ANXA3: variants seen among roughly 807,000 people sequenced by gnomAD.
ANXA3 encodes 35-alpha calcimedin.
A neutral mutation model predicts 48.8 loss-of-function variants in ANXA3; 46 were observed. That is an observed-to-expected ratio of 0.94 (90% confidence interval 0.74 to 1.21). The LOEUF is 1.21. Among genes scored for constraint, ANXA3 ranks in the 50% most tolerant of loss-of-function variants. The probability of loss-of-function intolerance (pLI) is 0.00; values close to 1 mark genes in which losing one functional copy is unlikely to be tolerated. For missense variants in ANXA3, 383 were observed against 378.6 expected (o/e 1.01, Z -0.10); for synonymous variants, 128 against 134.7 (o/e 0.95, Z 0.35).
chr4:78,554,485 C>T lies in ANXA3; in HGVS notation c.12C>T (p.Ile4=), dbSNP rs750983095. The T allele has an allele frequency of 1.1e-5, 17 of 1,612,986 alleles. No homozygotes were observed. The East Asian group carries it at 2.9e-4, about 28-fold the overall frequency. The part of the protein sequence containing the change: MAS[I]WVGHRGTVRD... Reference sequence around the variant, plus strand: ...AAAGGTGGGATATCATGGCATCTATCTGGGTAAGTAAAAATTAAGCCTTCA... The same window carrying T: ...AAAGGTGGGATATCATGGCATCTATTTGGGTAAGTAAAAATTAAGCCTTCA... Residue 4 remains isoleucine (I), a synonymous_variant, in exon 2 of 13, where the codon ATC becomes ATT. Transcript: ENST00000264908.
chr4:78,596,698 AC>A (rs1723430424), intron 9 of ANXA3, among the ~76,000 whole-genome samples: 2 of 152,234 alleles, frequency 1.3e-5, no homozygotes, highest in African/African-American at 4.8e-5. Flanking sequence ...TGTTTGAAAA[AC>A]AAAAACCAGA....
chr4:78,573,524 A>G (rs1273171208), intron 3 of ANXA3, among the ~76,000 whole-genome samples: 1 of 152,242 alleles, frequency 6.6e-6, no homozygotes, highest in African/African-American at 2.4e-5. Flanking sequence ...GGGAATCTCA[A>G]CCCTGGCTGG....
intron 2 of ANXA3, among the ~76,000 whole-genome samples, chr4:78,569,134 C>T (rs1722789096): frequency 6.6e-6 from 1 of 152,170 alleles, no homozygotes; most frequent in African/African-American, 2.4e-5. Context: ...TCTAGACATT[C>T]TTTGCTTTAA....
At chr4:78,574,438 A>G (rs969847889) in intron 3 of ANXA3, among the ~76,000 whole-genome samples, 2 of 152,092 alleles carry the variant, frequency 1.3e-5, no homozygotes, top group African/African-American at 4.8e-5. Flanking sequence ...AACAACAACA[A>G]CAAAAAAACC....
At chr4:78,593,435 C>G (rs1040850164) in intron 7 of ANXA3, among the ~76,000 whole-genome samples, 8 of 151,580 alleles carry the variant, frequency 5.3e-5, no homozygotes, top group African/African-American at 1.9e-4. Flanking sequence ...CTCCTGACCT[C>G]AATCAATCCA....
At chr4:78,582,466 G>A (rs1433835121) in intron 5 of ANXA3, 176 bp downstream of exon 5, 1 of 491,480 alleles carries the variant, frequency 2.0e-6, no homozygotes, top group Non-Finnish European at 3.7e-6. Flanking sequence ...AAGCCCAAAT[G>A]TTCCTGGGCT....
At chr4:78,592,722 C>T (rs1462621226) in intron 7 of ANXA3, among the ~76,000 whole-genome samples, 1 of 152,190 alleles carries the variant, frequency 6.6e-6, no homozygotes, top group African/African-American at 2.4e-5. Flanking sequence ...AAAATACTAA[C>T]AATAACAAGT....
chr4:78,587,410 C>T (rs77650423), intron 6 of ANXA3, among the ~76,000 whole-genome samples: 4,890 of 152,268 alleles, frequency 0.032, 103 homozygotes, highest in Non-Finnish European at 0.046. Flanking sequence ...AAGAGACCAA[C>T]CATGAATAAC....
At chr4:78,607,972 AG>A (rs1473428819) in intron 12 of ANXA3, among the ~76,000 whole-genome samples, 1 of 152,200 alleles carries the variant, frequency 6.6e-6, no homozygotes, top group Non-Finnish European at 1.5e-5. Context: ...GTTTGATTAG[AG>A]GGTCTACCTT....
chr4:78,600,611 C>A (rs981297203), intron 10 of ANXA3, among the ~76,000 whole-genome samples: 54 of 152,240 alleles, frequency 3.5e-4, no homozygotes, highest in Non-Finnish European at 6.8e-4. Context: ...TTCTATTTCC[C>A]TTAAATCACT....
chr4:78,598,543 TC>T (rs1321738953), intron 10 of ANXA3, among the ~76,000 whole-genome samples: 2 of 146,530 alleles, frequency 1.4e-5, no homozygotes, highest in African/African-American at 5.6e-5. Context: ...AATCTTTTTT[TC>T]TTTTTTTTTC....
intron 9 of ANXA3, 157 bp from the exon 10 acceptor site, chr4:78,597,162 A>G (rs1723438553): frequency 3.5e-6 from 2 of 574,812 alleles, no homozygotes; most frequent in Non-Finnish European, 6.1e-6. Context: ...AAAGGAACAA[A>G]AGAAAAACAA....
At chr4:78,582,486 T>C (rs1467725997) in intron 5 of ANXA3, 196 bp downstream of exon 5, 1 of 481,658 alleles carries the variant, frequency 2.1e-6, no homozygotes, top group Non-Finnish European at 3.7e-6. Context: ...TGGAAGAATT[T>C]TGTCATATCC....
intron 2 of ANXA3, among the ~76,000 whole-genome samples, chr4:78,568,152 T>C (rs549683159): frequency 6.6e-6 from 1 of 152,320 alleles, no homozygotes; most frequent in East Asian, 1.9e-4. Context: ...CTTTAAGGTA[T>C]TTTTTTGGGG....
At position 78,601,684 on chromosome 4, in the gene ANXA3, A is replaced by G. The variant is rs890403935; in HGVS notation, c.789+116A>G. 1.3e-5 allele frequency: 11 copies of G among 856,692 alleles called. No homozygotes were observed. In the African/African-American group the frequency reaches 1.7e-4, roughly 13 times the overall value. The allele number at this position is 856,692 out of a possible 1,614,324, so 53.1% of individuals were successfully genotyped here. A position where few individuals can be genotyped will look rare whatever the true frequency, so the allele number is the denominator to read the frequency against. On this transcript the variant is annotated intron_variant, in intron 11 of 12. Coordinates refer to ENST00000264908, the MANE Select transcript of ANXA3 (RefSeq NM_005139.3). The stretch of plus-strand genomic sequence containing the variant: ...TATTTTAATGTAATTTAAACATTTT[A>G]AGATAAATTATATTACAGCAAATCA...
intron 6 of ANXA3, among the ~76,000 whole-genome samples, chr4:78,589,142 C>A (rs537245158): frequency 6.6e-6 from 1 of 152,284 alleles, no homozygotes; most frequent in East Asian, 1.9e-4. Flanking sequence ...GTTCTAAGAA[C>A]AGTGGGGCAG....
At chr4:78,607,519 G>A (rs1177806744) in intron 12 of ANXA3, among the ~76,000 whole-genome samples, 2 of 152,014 alleles carry the variant, frequency 1.3e-5, no homozygotes, top group Admixed American at 1.3e-4. Context: ...AAGATATTAT[G>A]GAAAATTTAG....
chr4:78,563,561 G>A (rs1722668866), intron 2 of ANXA3, among the ~76,000 whole-genome samples: 1 of 152,152 alleles, frequency 6.6e-6, no homozygotes, highest in Admixed American at 6.5e-5. Flanking sequence ...GCCAGAAGGT[G>A]CCGTATATGA....
intron 6 of ANXA3, among the ~76,000 whole-genome samples, chr4:78,591,173 T>G (rs1472932898): frequency 6.6e-6 from 1 of 152,228 alleles, no homozygotes; most frequent in African/African-American, 2.4e-5. Flanking sequence ...CATTATATCT[T>G]GCTTAAGGTT....
Sources: gnomAD v4.1 joint callset for allele counts (sites outside exome capture counted in the v4.1 genomes callset) on GRCh38, gnomAD v4.1.1 for gene constraint, MANE v1.5 for transcripts, NCBI Gene and HGNC (gene_info 2026-07-23, HGNC 2026-07-21) for gene names.